Variants in ME2 observed in about 807,000 individuals in gnomAD.
ME2 encodes malic enzyme 2.
In ME2, 60 loss-of-function variants were observed where a neutral mutation model predicts 73.7. The observed-to-expected ratio is 0.81, with a 90% confidence interval of 0.66 to 1.01. The LOEUF (loss-of-function observed/expected upper bound fraction) is 1.01. ME2 is among the 50% of genes least tolerant of loss of function. ME2 has a pLI of 0.00. For missense variants in ME2, 594 were observed against 705.5 expected, an observed-to-expected ratio of 0.84 and a Z score of 1.79; for synonymous variants, 199 against 236.9, an observed-to-expected ratio of 0.84 and a Z score of 1.47.
intron 9 of ME2, 138 bp from the exon 10 acceptor site, chr18:50,920,936 A>G (rs958947624): frequency 1.4e-6 from 1 of 692,424 alleles, no homozygotes; most frequent in Non-Finnish European, 2.3e-6. Context: ...TCGAGAGAAT[A>G]TCACGAAGAA....
rs1766781243 is a variant in ME2 at position 50,947,501 on chromosome 18, G to T, written c.*317G>T. 2 of 227,680 alleles carry T rather than the reference G, an allele frequency of 8.8e-6. No homozygotes were observed. The highest frequency in any genetic ancestry group is 2.0e-4 in the East Asian group (2 of 9,800). 14.1% of individuals were successfully genotyped at this position (227,680 alleles called of 1,614,324 possible). ...CTAATTCAGACTTGCCAAAGTATTT[G>T]CTATTTACTATTATGGGTAATACTC... On this transcript the variant is annotated 3_prime_UTR_variant, in exon 16 of 16. Coordinates refer to ENST00000321341, the MANE Select transcript of ME2 (RefSeq NM_002396.5).
chr18:50,911,957 A>G (rs1358453637), intron 3 of ME2, among the ~76,000 whole-genome samples: 1 of 152,188 alleles, frequency 6.6e-6, no homozygotes, highest in African/African-American at 2.4e-5. Context: ...CTGAGAAATG[A>G]TGGTAGCTTG....
At chr18:50,880,153 A>G (rs969503874) in intron 1 of ME2, among the ~76,000 whole-genome samples, 38 of 152,230 alleles carry the variant, frequency 2.5e-4, no homozygotes, top group Non-Finnish European at 4.3e-4. Context: ...AGCATGTATT[A>G]ATTGCTAGTG....
intron 2 of ME2, among the ~76,000 whole-genome samples, chr18:50,906,358 G>C (rs370467357): frequency 6.6e-6 from 1 of 151,968 alleles, no homozygotes; most frequent in Non-Finnish European, 1.5e-5. Flanking sequence ...TTTTGCCTAG[G>C]CTGGAGTACA....
At chr18:50,939,385 C>A (rs1474528395) in intron 13 of ME2, 185 bp from the exon 14 acceptor site, 2 of 484,392 alleles carry the variant, frequency 4.1e-6, no homozygotes, top group Admixed American at 7.5e-5. Flanking sequence ...AATTACTTAG[C>A]GAATAAGAAT....
intron 1 of ME2, among the ~76,000 whole-genome samples, chr18:50,889,778 A>G (rs1916562681): frequency 6.6e-6 from 1 of 152,318 alleles, no homozygotes; most frequent in Admixed American, 6.5e-5. Context: ...ATGGGATTCT[A>G]GGAAATGGTT....
intron 10 of ME2, among the ~76,000 whole-genome samples, chr18:50,922,618 C>G (rs1917455440): frequency 6.6e-6 from 1 of 152,190 alleles, no homozygotes; most frequent in Admixed American, 6.5e-5. Context: ...TAGGTCAGGT[C>G]TAACACAGTA....
chr18:50,946,241 C>T (rs1918080429), intron 15 of ME2, among the ~76,000 whole-genome samples: 1 of 152,118 alleles, frequency 6.6e-6, no homozygotes, highest in Non-Finnish European at 1.5e-5. Context: ...GGTTCAAGGG[C>T]TTATTCTCAC....
intron 12 of ME2, among the ~76,000 whole-genome samples, chr18:50,931,553 A>T (rs891583427): frequency 6.6e-6 from 1 of 152,194 alleles, no homozygotes; most frequent in Non-Finnish European, 1.5e-5. Context: ...GTTTTAGCGG[A>T]TATATAGTAA....
intron 10 of ME2, among the ~76,000 whole-genome samples, chr18:50,921,950 T>A (rs1179771751): frequency 6.6e-6 from 1 of 152,228 alleles, no homozygotes; most frequent in Admixed American, 6.5e-5. Flanking sequence ...GTGTAACACA[T>A]TGAATATAAG....
At chr18:50,887,336 T>C (rs1222152935) in intron 1 of ME2, among the ~76,000 whole-genome samples, 3 of 152,112 alleles carry the variant, frequency 2.0e-5, no homozygotes, top group Non-Finnish European at 4.4e-5. Flanking sequence ...CCTATAGCAG[T>C]GAGCTTGATT....
At chr18:50,923,613 A>T (rs188264698) in intron 10 of ME2, among the ~76,000 whole-genome samples, 1 of 152,166 alleles carries the variant, frequency 6.6e-6, no homozygotes, top group East Asian at 1.9e-4. Context: ...TCATCCGGGC[A>T]TGGTGGTGTG....
intron 10 of ME2, among the ~76,000 whole-genome samples, chr18:50,922,047 G>A (rs965120304): frequency 3.9e-5 from 6 of 152,096 alleles, no homozygotes; most frequent in South Asian, 2.1e-4. Context: ...TATAGCTGTC[G>A]CTTGGCATTT....
Position 50,897,847 on chromosome 18 carries a change from G to A in ME2, c.108+1919G>A, listed in dbSNP as rs111803126. 6.9e-3 allele frequency among the ~76,000 whole-genome samples: 1,017 copies of A among 147,738 alleles called. 2 individuals are homozygous for A. Among genetic ancestry groups the A allele is most frequent in the Middle Eastern group, 0.021 (6 of 286 alleles). On this transcript the variant is annotated intron_variant, in intron 2 of 15. Transcript: ENST00000321341. Reference sequence around the variant, plus strand: ...GCATGCCATCCTGGGCAAGAAGAGCGAAACTCCATCTCAAAAAAAAAAAGA... The same window carrying A: ...GCATGCCATCCTGGGCAAGAAGAGCAAAACTCCATCTCAAAAAAAAAAAGA...
intron 15 of ME2, among the ~76,000 whole-genome samples, chr18:50,940,808 CTTAATATATT>C (rs1040891117): frequency 2.8e-4 from 42 of 152,144 alleles, no homozygotes; most frequent in African/African-American, 9.9e-4. Context: ...ACTTTTTCCC[CTTAATATATT>C]GTAAGTCTTT....
In ME2 at chr18:50,953,038, A is replaced by G. The variant is rs1918254639; in HGVS notation, c.*5854A>G. ...GTGAAGAAAGCCTTCTGTGTAGGCA[A>G]TTTCATCTAATACCTTCATGAATTG... On this transcript the variant is annotated 3_prime_UTR_variant, in exon 16 of 16. Coordinates refer to ENST00000321341, the MANE Select transcript of ME2 (RefSeq NM_002396.5). 6.6e-6 allele frequency: 1 copy of G among 151,294 alleles called. No homozygotes were observed. Among genetic ancestry groups the G allele is most frequent in the South Asian group, 2.1e-4 (1 of 4,808 alleles). The allele number at this position is 151,294 out of a possible 1,614,324, so 9.4% of individuals were successfully genotyped here.
At chr18:50,893,124 C>CAAAAAAAAAAAAAAAAAAA (rs56104427) in intron 1 of ME2, among the ~76,000 whole-genome samples, 16 of 78,122 alleles carry the variant, frequency 2.0e-4, no homozygotes, top group Non-Finnish European at 2.6e-4. Flanking sequence ...GACTCTATCT[C>CAAAAAAAAAAAAAAAAAAA]AAAAAAAAAA....
intron 4 of ME2, chr18:50,915,849 TG>T (rs1283113265): frequency 4.7e-6 from 1 of 211,298 alleles, no homozygotes; most frequent in Non-Finnish European, 9.4e-6. Flanking sequence ...TCTCCTGCAT[TG>T]GTGGCTTGCT....
intron 2 of ME2, among the ~76,000 whole-genome samples, chr18:50,900,518 G>A (rs367667175): frequency 4.9e-4 from 75 of 151,984 alleles, no homozygotes; most frequent in Non-Finnish European, 1.6e-4. Context: ...TGCTGACCTC[G>A]TGATCTGCCC....
Sources: gnomAD v4.1 joint callset for allele counts (sites outside exome capture counted in the v4.1 genomes callset) on GRCh38, gnomAD v4.1.1 for gene constraint, MANE v1.5 for transcripts, NCBI Gene and HGNC (gene_info 2026-07-23, HGNC 2026-07-21) for gene names.